Variants in PCDH7 observed in about 807,000 individuals in gnomAD.
PCDH7 encodes protocadherin 7.
Under a neutral mutation model 58.9 loss-of-function variants are expected in PCDH7, and 17 were observed. The ratio of observed to expected loss-of-function variants is 0.29; its 90% CI spans 0.20 to 0.43. PCDH7 has a LOEUF of 0.43. PCDH7 is among the 20% of genes least tolerant of loss of function. The probability of loss-of-function intolerance (pLI) is 1.00; values close to 1 mark genes in which losing one functional copy is unlikely to be tolerated. For missense variants in PCDH7, 1,274 were observed against 1,441.0 expected (o/e 0.88, Z 1.88); for synonymous variants, 664 against 616.4 (o/e 1.08, Z -1.14).
At chr4:30,724,032 C>G in exon 1 of PCDH7, 1 of 1,614,088 alleles carries the variant, frequency 6.2e-7, no homozygotes, top group Admixed American at 1.7e-5. Context: ...GTGACCCAAG[C>G]TATGAAATTA....
intron 1 of PCDH7, among the ~76,000 whole-genome samples, chr4:30,776,512 T>C (rs1329062283): frequency 6.6e-6 from 1 of 152,224 alleles, no homozygotes; most frequent in African/African-American, 2.4e-5. Context: ...ATGACAGTTT[T>C]GTCAAAGATT....
At chr4:30,818,279 T>A (rs1048009992) in intron 1 of PCDH7, among the ~76,000 whole-genome samples, 1 of 152,184 alleles carries the variant, frequency 6.6e-6, no homozygotes, top group Non-Finnish European at 1.5e-5. Context: ...TATTTACCTA[T>A]TTATTTAGCT....
chr4:30,735,580 A>T (rs183325834), downstream of PCDH7, among the ~76,000 whole-genome samples: 2 of 152,302 alleles, frequency 1.3e-5, no homozygotes, highest in Non-Finnish European at 2.9e-5. Context: ...CTCTAAGTGG[A>T]TAACTAGGTC....
intron 3 of PCDH7, among the ~76,000 whole-genome samples, chr4:31,101,289 A>G (rs1473677079): frequency 1.3e-5 from 2 of 152,212 alleles, no homozygotes; most frequent in Admixed American, 6.5e-5. Context: ...AAAATCCATC[A>G]TAAGTATTTA....
chr4:31,014,402 C>T (rs956769476), intron 3 of PCDH7, among the ~76,000 whole-genome samples: 2 of 151,992 alleles, frequency 1.3e-5, no homozygotes, highest in African/African-American at 4.8e-5. Flanking sequence ...CTATTATAAG[C>T]AGTTTGCATG....
At chr4:30,941,334 C>T (rs560237369) in intron 2 of PCDH7, among the ~76,000 whole-genome samples, 4 of 152,024 alleles carry the variant, frequency 2.6e-5, no homozygotes, top group African/African-American at 4.8e-5. Context: ...TTCTACTTTA[C>T]GAGGGAAATC....
At chr4:30,863,813 C>A (rs1321986292) in intron 1 of PCDH7, among the ~76,000 whole-genome samples, 1 of 151,762 alleles carries the variant, frequency 6.6e-6, no homozygotes. Context: ...TTTTTCCAAC[C>A]CCCAAGAGAA....
chr4:30,936,888 C>T (rs190950731), intron 2 of PCDH7, among the ~76,000 whole-genome samples: 2 of 151,988 alleles, frequency 1.3e-5, no homozygotes, highest in African/African-American at 4.8e-5. Context: ...GAATCAATAC[C>T]AGATGCTTTA....
chr4:30,910,859 G>A (rs573262436), intron 1 of PCDH7, among the ~76,000 whole-genome samples: 11 of 152,176 alleles, frequency 7.2e-5, no homozygotes, highest in Non-Finnish European at 1.0e-4. Flanking sequence ...ACATGCACAC[G>A]TATGTTTACT....
At chr4:30,852,257 G>A (rs1238875536) in intron 1 of PCDH7, among the ~76,000 whole-genome samples, 1 of 152,018 alleles carries the variant, frequency 6.6e-6, no homozygotes, top group East Asian at 1.9e-4. Flanking sequence ...AAACACATCG[G>A]ATTCAATGAA....
intron 1 of PCDH7, among the ~76,000 whole-genome samples, chr4:30,900,691 T>C (rs777693186): frequency 6.6e-6 from 1 of 151,974 alleles, no homozygotes; most frequent in Non-Finnish European, 1.5e-5. Flanking sequence ...AATATAGACA[T>C]AAAAAATGCT....
At chr4:30,816,443 C>G (rs896760818) in intron 1 of PCDH7, among the ~76,000 whole-genome samples, 4 of 152,082 alleles carry the variant, frequency 2.6e-5, no homozygotes, top group Non-Finnish European at 5.9e-5. Flanking sequence ...TGACACTGAC[C>G]TTTTAAAATA....
intron 1 of PCDH7, among the ~76,000 whole-genome samples, chr4:30,814,355 C>A (rs1727403043): frequency 6.6e-6 from 1 of 152,056 alleles, no homozygotes; most frequent in Admixed American, 6.6e-5. Flanking sequence ...AATTTCATAT[C>A]AGATTCACAG....
chr4:30,818,505 A>T (rs1727971354), intron 1 of PCDH7, among the ~76,000 whole-genome samples: 1 of 152,192 alleles, frequency 6.6e-6, no homozygotes, highest in Non-Finnish European at 1.5e-5. Context: ...CTGTAATGAG[A>T]GAGCAGCTTT....
chr4:30,790,679 G>C (rs1241713497), intron 1 of PCDH7, among the ~76,000 whole-genome samples: 1 of 152,186 alleles, frequency 6.6e-6, no homozygotes, highest in Non-Finnish European at 1.5e-5. Flanking sequence ...TCAGACTTTG[G>C]GAGGCCAAGG....
intron 3 of PCDH7, among the ~76,000 whole-genome samples, chr4:31,015,790 CATA>C (rs1179199812): frequency 6.6e-6 from 1 of 152,184 alleles, no homozygotes; most frequent in Non-Finnish European, 1.5e-5. Flanking sequence ...AACTACCCAG[CATA>C]ATGCCTTATT....
At chr4:30,755,368 T>C (rs1392978656) in intron 1 of PCDH7, among the ~76,000 whole-genome samples, 1 of 152,184 alleles carries the variant, frequency 6.6e-6, no homozygotes, top group Admixed American at 6.5e-5. Flanking sequence ...AACCCTGTTA[T>C]AAACAAACTT....
intron 2 of PCDH7, among the ~76,000 whole-genome samples, chr4:30,942,443 G>C (rs897057479): frequency 1.3e-5 from 2 of 151,832 alleles, no homozygotes; most frequent in African/African-American, 4.8e-5. Context: ...TTTACCTTCA[G>C]TGTCCTAATT....
intron 3 of PCDH7, among the ~76,000 whole-genome samples, chr4:31,096,160 C>T (rs779422548): frequency 1.1e-4 from 16 of 152,100 alleles, no homozygotes; most frequent in Non-Finnish European, 2.4e-4. Context: ...CAAGTTATTG[C>T]CAATGATTTG....
Sources: gnomAD v4.1 joint callset for allele counts (sites outside exome capture counted in the v4.1 genomes callset) on GRCh38, gnomAD v4.1.1 for gene constraint, MANE v1.5 for transcripts, NCBI Gene and HGNC (gene_info 2026-07-23, HGNC 2026-07-21) for gene names.